The following TAOK3 variants were observed in gnomAD, a reference collection of about 807,000 sequenced individuals.
TAOK3 encodes the protein serine/threonine-protein kinase TAO3.
A neutral mutation model predicts 120.4 loss-of-function variants in TAOK3; 40 were observed. The ratio of observed to expected loss-of-function variants is 0.33; its 90% CI spans 0.26 to 0.43. The LOEUF (loss-of-function observed/expected upper bound fraction) is 0.43, where lower values mean the gene tolerates loss of function less well. Among genes scored for constraint, TAOK3 ranks in the 20% least tolerant of loss-of-function variants. The pLI, the probability that TAOK3 is intolerant of heterozygous loss-of-function variation, is 1.00. For synonymous variants in TAOK3, 355 were observed against 387.5 expected, an observed-to-expected ratio of 0.92 and a Z score of 0.99; for missense variants, 821 against 1,112.1, an observed-to-expected ratio of 0.74 and a Z score of 3.72.
chr12:118,255,531 C>T lies in TAOK3; in HGVS notation c.37G>A (p.Asp13Asn), dbSNP rs569788853. Reference protein sequence around the residue: ...KGVLKDPEIADLFYKDDPEEL... With the variant: ...KGVLKDPEIANLFYKDDPEEL... ...TCAGGATCATCTTTGTAGAATAGAT[C>T]GGCAATCTCTGGGTCCTTCAGCACC... Residue 13 changes from aspartate to asparagine, a missense_variant, in exon 3 of 21, where the codon GAT becomes AAT. Transcript: ENST00000392533. 208 of 1,614,046 alleles carry T rather than the reference C, an allele frequency of 1.3e-4. 3 individuals are homozygous for T. The highest frequency in any genetic ancestry group is 8.6e-4 in the South Asian group (78 of 91,076).
At chr12:118,359,980 A>T (rs751333630) in intron 1 of TAOK3, among the ~76,000 whole-genome samples, 3 of 152,142 alleles carry the variant, frequency 2.0e-5, no homozygotes, top group Non-Finnish European at 4.4e-5. Context: ...TTAAGAATGT[A>T]TGTGGTCAGG....
intron 12 of TAOK3, chr12:118,200,583 T>C (rs1282803506): frequency 6.6e-6 from 1 of 152,220 alleles, no homozygotes; most frequent in East Asian, 1.9e-4. Context: ...ACTAAGGTCA[T>C]CAAGGATTCT....
rs1378553063 is a variant in TAOK3, at chr12:118,199,058, T to A, written c.1187A>T (p.His396Leu). Residue 396 changes from histidine to leucine, a missense_variant, in exon 13 of 21, where the codon CAT becomes CTT. Physicochemically the swap from His to Leu is moderately conservative, Grantham distance 99. Coordinates refer to ENST00000392533, the MANE Select transcript of TAOK3 (RefSeq NM_016281.4). ...STINSSSSVV[H>L]KKDHVFIRDE... ...GGGTACCAAGAAACCTACTTTCTTA[T>A]GCACGACGGAGGAGCTGGAATTGAT... is the stretch of plus-strand genomic sequence containing the variant. The A allele has an allele frequency of 1.2e-6, 2 of 1,614,216 alleles. No homozygotes were observed. The highest frequency in any genetic ancestry group is 1.7e-6 in the Non-Finnish European group (2 of 1,180,036).
intron 15 of TAOK3, among the ~76,000 whole-genome samples, chr12:118,178,702 C>T (rs1163905980): frequency 6.6e-6 from 1 of 152,214 alleles, no homozygotes; most frequent in African/African-American, 2.4e-5. Context: ...AAATGATCCA[C>T]CTGCCTCGGC....
intron 1 of TAOK3, among the ~76,000 whole-genome samples, chr12:118,331,719 T>C (rs1276948763): frequency 6.6e-6 from 1 of 150,888 alleles, no homozygotes; most frequent in Non-Finnish European, 1.5e-5. Context: ...TAAAAATGCA[T>C]GTAAAAGTGC....
Position 118,172,561 on chromosome 12 carries a change from G to A in TAOK3, c.1795C>T (p.His599Tyr). ...LQHTQAEEEA[H>Y]LLTQQRLYYD... ...TACAGTCTCTGTTGAGTGAGAAGGT[G>A]GGCTTCCTCTTCAGCCTGTGTGTGC... Residue 599 changes from histidine to tyrosine, a missense_variant, in exon 17 of 21, where the codon CAC becomes TAC. Physicochemically the swap from His to Tyr is moderately conservative, Grantham distance 83 (BLOSUM62 2). Transcript: ENST00000392533. 6.2e-7 allele frequency: 1 copy of A among 1,614,150 alleles called. No individual in the cohort carries two copies. The highest frequency in any genetic ancestry group is 8.5e-7 in the Non-Finnish European group (1 of 1,180,014).
At chr12:118,215,330 C>CAAAA (rs759313035) in intron 9 of TAOK3, among the ~76,000 whole-genome samples, 2 of 89,612 alleles carry the variant, frequency 2.2e-5, no homozygotes, top group African/African-American at 4.5e-5. Context: ...CCCGTCTCTA[C>CAAAA]AAAAAAAAAA....
chr12:118,244,820 G>A lies in TAOK3; in HGVS notation c.192+74C>T, dbSNP rs1030695723. 14 of 1,139,854 alleles carry A rather than the reference G, an allele frequency of 1.2e-5. No homozygotes were observed. The African/African-American group carries it at 1.2e-4, about 10-fold the overall frequency. The allele number at this position is 1,139,854 out of a possible 1,614,324, so 70.6% of individuals were successfully genotyped here. ...TGGGATTACAGGCGTGAACCACCGC[G>A]CCCGGCCAGAATTTTGTTAATTTCA... On this transcript the variant is annotated intron_variant, in intron 4 of 20. Coordinates refer to ENST00000392533, the MANE Select transcript of TAOK3 (RefSeq NM_016281.4).
intron 1 of TAOK3, among the ~76,000 whole-genome samples, chr12:118,267,745 C>T (rs1168997038): frequency 2.0e-5 from 3 of 151,094 alleles, no homozygotes; most frequent in Admixed American, 6.6e-5. Context: ...ACTAGCTGAG[C>T]CTGGTGGCAT....
At chr12:118,170,031 C>T (rs566532376) in intron 17 of TAOK3, among the ~76,000 whole-genome samples, 2 of 152,256 alleles carry the variant, frequency 1.3e-5, no homozygotes, top group South Asian at 2.1e-4. Context: ...TCTCTCGTAT[C>T]TTAGTATATG....
intron 1 of TAOK3, among the ~76,000 whole-genome samples, chr12:118,350,002 T>A (rs1417707792): frequency 6.6e-6 from 1 of 152,226 alleles, no homozygotes; most frequent in African/African-American, 2.4e-5. Flanking sequence ...ACTGTGAGAC[T>A]CACAATATAA....
intron 8 of TAOK3, among the ~76,000 whole-genome samples, chr12:118,234,884 G>A (rs2039958523): frequency 6.6e-6 from 1 of 152,192 alleles, no homozygotes; most frequent in Non-Finnish European, 1.5e-5. Flanking sequence ...GGCCCTATCT[G>A]TTTAATATGC....
intron 9 of TAOK3, among the ~76,000 whole-genome samples, chr12:118,218,388 C>T (rs950993577): frequency 4.6e-5 from 7 of 152,042 alleles, no homozygotes; most frequent in Non-Finnish European, 8.8e-5. Context: ...GTTCCCGTTC[C>T]CCCCTGCATA....
Position 118,292,445 on chromosome 12 carries a change from ACATCAT to A in TAOK3, c.-193-25692_-193-25687del, listed in dbSNP as rs1186939388. The stretch of plus-strand genomic sequence containing the variant: ...TGGGCCTAGTTTAATGTAATCAACA[ACATCAT>A]CATCACCACACTAACATTTACTGAA... On this transcript the variant is annotated intron_variant, in intron 1 of 20. Transcript: ENST00000392533. Among the ~76,000 whole-genome samples the A allele has an allele frequency of 2.0e-5, 3 of 152,294 alleles. No individual in the cohort carries two copies. The East Asian group carries it at 5.8e-4, about 29-fold the overall frequency.
chr12:118,349,499 A>G (rs1228606446), intron 1 of TAOK3, among the ~76,000 whole-genome samples: 1 of 152,240 alleles, frequency 6.6e-6, no homozygotes, highest in East Asian at 1.9e-4. Flanking sequence ...AAGATGTCAG[A>G]CACAAAAAGA....
At chr12:118,265,185 TC>T (rs1332878045) in intron 2 of TAOK3, among the ~76,000 whole-genome samples, 2 of 151,118 alleles carry the variant, frequency 1.3e-5, no homozygotes, top group Non-Finnish European at 2.9e-5. Flanking sequence ...GGTCAGGAGT[TC>T]AAGACCAGCC....
At position 118,243,602 on chromosome 12, in the gene TAOK3, T is replaced by C. The variant is rs1012257746; in HGVS notation, c.193-86A>G. Reference sequence around the variant, plus strand: ...ATCAAGTATACGTATATATCATTTATATTATTGTAAATGGACATAAAGTAA... The same window carrying C: ...ATCAAGTATACGTATATATCATTTACATTATTGTAAATGGACATAAAGTAA... On this transcript the variant is annotated intron_variant, in intron 4 of 20. Coordinates refer to ENST00000392533, the MANE Select transcript of TAOK3 (RefSeq NM_016281.4). 7 of 493,642 alleles carry C rather than the reference T, an allele frequency of 1.4e-5. No homozygotes were observed. In the East Asian group the frequency reaches 2.1e-4, roughly 15 times the overall value. The allele number at this position is 493,642 out of a possible 1,614,324, so 30.6% of individuals were successfully genotyped here. A position where few individuals can be genotyped will look rare whatever the true frequency, so the allele number is the denominator to read the frequency against.
At chr12:118,181,076 C>T (rs991979754) in intron 15 of TAOK3, among the ~76,000 whole-genome samples, 20 of 152,070 alleles carry the variant, frequency 1.3e-4, no homozygotes, top group African/African-American at 4.8e-4. Flanking sequence ...AACTCCTGAC[C>T]TCAGGTGATC....
At chr12:118,182,033 A>C (rs2036760592) in intron 14 of TAOK3, among the ~76,000 whole-genome samples, 1 of 152,082 alleles carries the variant, frequency 6.6e-6, no homozygotes, top group East Asian at 1.9e-4. Context: ...AAAAATACAA[A>C]AATTAGCCAG....
Sources: allele counts gnomAD v4.1 joint callset (sites outside exome capture counted in the v4.1 genomes callset), GRCh38; gene constraint gnomAD v4.1.1; transcripts MANE v1.5; gene names NCBI Gene and HGNC (gene_info 2026-07-23, HGNC 2026-07-21).